GREM1: variants seen among roughly 807,000 people sequenced by gnomAD.
The protein encoded by GREM1 is gremlin 1, DAN family BMP antagonist.
In GREM1, 6 loss-of-function variants were observed where a neutral mutation model predicts 13.1. That is an observed-to-expected ratio of 0.46 (90% CI 0.25 to 0.91). The LOEUF (loss-of-function observed/expected upper bound fraction) is 0.91. GREM1 is among the 40% of genes least tolerant of loss of function. The probability of loss-of-function intolerance (pLI) is 0.18; values close to 1 mark genes in which losing one functional copy is unlikely to be tolerated. For missense variants in GREM1, 185 were observed against 233.9 expected, an observed-to-expected ratio of 0.79 and a Z score of 1.36; for synonymous variants, 98 against 93.7, an observed-to-expected ratio of 1.05 and a Z score of -0.27.
rs2055751841 is a variant in GREM1, at chr15:32,740,518, A to C, written c.*9273A>C. 6.6e-6 allele frequency: 1 copy of C among 152,228 alleles called. No homozygotes were observed. The highest frequency in any genetic ancestry group is 1.5e-5 in the Non-Finnish European group (1 of 68,054). 9.4% of individuals were successfully genotyped at this position (152,228 alleles called of 1,614,324 possible). ...TCAGAAGAAAGAATCAATGAACTTG[A>C]AGACAGGTCATTGGAAATAATTCAG... On this transcript the variant is annotated 3_prime_UTR_variant, in exon 2 of 2. Transcript: ENST00000651154.
At chr15:32,725,992 C>T (rs1477217231) in intron 1 of GREM1, among the ~76,000 whole-genome samples, 3 of 152,142 alleles carry the variant, frequency 2.0e-5, no homozygotes, top group Admixed American at 1.3e-4. Context: ...TTCCATTGGT[C>T]TGTATATCTG....
chr15:32,729,376 T>G (rs577203600), intron 1 of GREM1, among the ~76,000 whole-genome samples: 1 of 19,678 alleles, frequency 5.1e-5, no homozygotes, highest in African/African-American at 7.0e-5. Flanking sequence ...GAGGAAAATC[T>G]TTTTAGTCTG....
At position 32,731,033 on chromosome 15, in the gene GREM1, A is replaced by C; in HGVS notation, c.343A>C (p.Asn115His). 1 of 1,614,206 alleles carries C rather than the reference A, an allele frequency of 6.2e-7. No homozygotes were observed. The highest frequency in any genetic ancestry group is 8.5e-7 in the Non-Finnish European group (1 of 1,180,014). ...AGGCTGCAACAGTCGCACCATCATC[A>C]ACCGCTTCTGTTACGGCCAGTGCAA... ...EEGCNSRTII[N>H]RFCYGQCNSF... is the part of the protein sequence containing the mutation. The change falls in exon 2 of 2, where the codon AAC (asparagine) becomes CAC (histidine). Residue 115 changes from asparagine (N) to histidine (H), a missense_variant. Transcript: ENST00000651154.
rs764435884 is a variant in GREM1, at chr15:32,730,944, A to G, written c.254A>G (p.Glu85Gly). 6.2e-7 allele frequency: 1 copy of G among 1,614,076 alleles called. No homozygotes were observed. Among genetic ancestry groups the G allele is most frequent in the Non-Finnish European group, 8.5e-7 (1 of 1,180,022 alleles). ...ESSQEALHVT[E>G]RKYLKRDWCK... ...AGCCAAGAGGCCCTGCATGTGACGG[A>G]GCGCAAATACCTGAAGCGAGACTGG... is the stretch of plus-strand genomic sequence containing the variant. Residue 85 changes from glutamate to glycine, a missense_variant, in exon 2 of 2, where the codon GAG becomes GGG. Physicochemically the swap from Glu to Gly is moderately conservative, Grantham distance 98. Coordinates refer to ENST00000651154, the MANE Select transcript of GREM1 (RefSeq NM_013372.7).
chr15:32,731,158 C>T lies in GREM1; in HGVS notation c.468C>T (p.Leu156=), dbSNP rs1400573237. The T allele has an allele frequency of 6.2e-7, 1 of 1,614,006 alleles. No homozygotes were observed. ...AATTCACTACCATGATGGTCACACTCAACTGCCCTGAACTACAGCCACCTA... is the reference window on the plus strand; with the variant it reads ...AATTCACTACCATGATGGTCACACTTAACTGCCCTGAACTACAGCCACCTA... ...PKKFTTMMVT[L]NCPELQPPTK... is the part of the protein sequence containing the mutation. Residue 156 remains leucine, a synonymous_variant, in exon 2 of 2, where the codon CTC becomes CTT. Coordinates refer to ENST00000651154, the MANE Select transcript of GREM1 (RefSeq NM_013372.7).
At position 32,742,756 on chromosome 15, in the gene GREM1, C is replaced by G. The variant is rs1441533115; in HGVS notation, c.*11511C>G. ...GTCAACTGACATTTGGCAATGGTGC[C>G]AAGCATACTCAGTGGGAGAAATGAT... On this transcript the variant is annotated 3_prime_UTR_variant, in exon 2 of 2. Transcript: ENST00000651154. 1 of 152,168 alleles carries G rather than the reference C, an allele frequency of 6.6e-6. No homozygotes were observed. Among genetic ancestry groups the G allele is most frequent in the African/African-American group, 2.4e-5 (1 of 41,430 alleles). 9.4% of individuals were successfully genotyped at this position (152,168 alleles called of 1,614,324 possible).
rs2055684242 is a variant in GREM1 at position 32,735,361 on chromosome 15, TAGCTC to T, written c.*4119_*4123del. On this transcript the variant is annotated 3_prime_UTR_variant, in exon 2 of 2. Transcript: ENST00000651154. The stretch of plus-strand genomic sequence containing the variant: ...ATTGTTTCTCACTCAATCTTCACGG[TAGCTC>T]AGTGAGGTAGGTACCATTATCACTG... The T allele has an allele frequency of 6.6e-6, 1 of 152,210 alleles. No homozygotes were observed. The highest frequency in any genetic ancestry group is 1.9e-4 in the East Asian group (1 of 5,200). The allele number at this position is 152,210 out of a possible 1,614,324, so 9.4% of individuals were successfully genotyped here.
At chr15:32,722,642 G>A (rs1453834668) in intron 1 of GREM1, among the ~76,000 whole-genome samples, 3 of 152,148 alleles carry the variant, frequency 2.0e-5, no homozygotes, top group African/African-American at 7.2e-5. Flanking sequence ...GGATAGAGGT[G>A]GTTAATATGG....
chr15:32,744,229 C>T lies in GREM1; in HGVS notation c.*12984C>T, dbSNP rs1356204942. The T allele has an allele frequency of 5.9e-5, 9 of 151,940 alleles. No homozygotes were observed. The highest frequency in any genetic ancestry group is 1.3e-4 in the Non-Finnish European group (9 of 67,984). The allele number at this position is 151,940 out of a possible 1,614,324, so 9.4% of individuals were successfully genotyped here. A position where few individuals can be genotyped will look rare whatever the true frequency, so the allele number is the denominator to read the frequency against. On this transcript the variant is annotated 3_prime_UTR_variant, in exon 2 of 2. Transcript: ENST00000651154. The stretch of plus-strand genomic sequence containing the variant: ...GGCTTAGCTTCTATTGGGTTTCTAT[C>T]ACTTGCAACCAAAGTGCCCTAACCA...
Position 32,733,984 on chromosome 15 carries a change from T to C in GREM1, c.*2739T>C. ...TGAATAGTTAAATGAAAAGTTATGG[T>C]TATTTAATGTAATTATTACTTCAAA... On this transcript the variant is annotated 3_prime_UTR_variant, in exon 2 of 2. Coordinates refer to ENST00000651154, the MANE Select transcript of GREM1 (RefSeq NM_013372.7). 1 of 241,618 alleles carries C rather than the reference T, an allele frequency of 4.1e-6. No individual in the cohort carries two copies. The highest frequency in any genetic ancestry group is 6.4e-5 in the East Asian group (1 of 15,634). The allele number at this position is 241,618 out of a possible 1,614,324, so 15.0% of individuals were successfully genotyped here.
chr15:32,726,382 C>T (rs1263881985), intron 1 of GREM1, among the ~76,000 whole-genome samples: 2 of 152,122 alleles, frequency 1.3e-5, no homozygotes, highest in Non-Finnish European at 2.9e-5. Context: ...GAACAACCTG[C>T]TCCTGAATGA....
Position 32,731,441 on chromosome 15 carries a change from G to A in GREM1, c.*196G>A, listed in dbSNP as rs559867135. On this transcript the variant is annotated 3_prime_UTR_variant, in exon 2 of 2. Coordinates refer to ENST00000651154, the MANE Select transcript of GREM1 (RefSeq NM_013372.7). ...CCTGTGGGTGTTTTTAGACACCAGA[G>A]AAAACACAGTCTCTGCTAGAGAGCA... 4.9e-6 allele frequency: 3 copies of A among 612,296 alleles called. No homozygotes were observed. Among genetic ancestry groups the A allele is most frequent in the Non-Finnish European group, 8.9e-6 (3 of 337,192 alleles). The allele number at this position is 612,296 out of a possible 1,614,324, so 37.9% of individuals were successfully genotyped here. A position where few individuals can be genotyped will look rare whatever the true frequency, so the allele number is the denominator to read the frequency against.
chr15:32,737,141 C>T lies in GREM1; in HGVS notation c.*5896C>T, dbSNP rs570660369. 25 of 152,164 alleles carry T rather than the reference C, an allele frequency of 1.6e-4. No homozygotes were observed. Among genetic ancestry groups the T allele is most frequent in the African/African-American group, 6.0e-4 (25 of 41,528 alleles). 9.4% of individuals were successfully genotyped at this position (152,164 alleles called of 1,614,324 possible). A position where few individuals can be genotyped will look rare whatever the true frequency, so the allele number is the denominator to read the frequency against. On this transcript the variant is annotated 3_prime_UTR_variant, in exon 2 of 2. Coordinates refer to ENST00000651154, the MANE Select transcript of GREM1 (RefSeq NM_013372.7). ...ATTAAATAAGCAATCAAATAACTTC[C>T]CAGAAAGAAAAGCCCAATTTAGGAT...
rs528491836 is a variant in GREM1 at position 32,734,097 on chromosome 15, C to T, written c.*2852C>T. ...TTGGGCAAAGAAGAAGCTGACACAC[C>T]GTATGTTGTTAGAGTCTTTTATCTG... On this transcript the variant is annotated 3_prime_UTR_variant, in exon 2 of 2. Transcript: ENST00000651154. 29 of 242,748 alleles carry T rather than the reference C, an allele frequency of 1.2e-4. No homozygotes were observed. In the East Asian group the frequency reaches 1.5e-3, roughly 13 times the overall value. 15.0% of individuals were successfully genotyped at this position (242,748 alleles called of 1,614,324 possible).
At position 32,720,726 on chromosome 15, in the gene GREM1, ATTATT is replaced by A. The variant is rs146740402; in HGVS notation, c.-2+2572_-2+2576del. ...TGAACATGAAGATACAAAATAGATA[ATTATT>A]TTATTTATAGCACTCTTCAAATTGT... is the stretch of plus-strand genomic sequence containing the variant. On this transcript the variant is annotated intron_variant, in intron 1 of 1. Transcript: ENST00000651154. Among the ~76,000 whole-genome samples, 2,337 of 152,352 alleles carry A rather than the reference ATTATT, an allele frequency of 0.015. 110 individuals carry two copies. The East Asian group carries it at 0.2, about 13-fold the overall frequency.
rs1363151390 is a variant in GREM1, at chr15:32,737,941, A to AAAAAAAAAAAAAAAG, written c.*6700_*6701insAAAAAAAAAAGAAAA. 7.3e-6 allele frequency: 1 copy of AAAAAAAAAAAAAAAG among 137,146 alleles called. No individual in the cohort carries two copies. Among genetic ancestry groups the AAAAAAAAAAAAAAAG allele is most frequent in the Non-Finnish European group, 1.6e-5 (1 of 62,626 alleles). The allele number at this position is 137,146 out of a possible 1,614,324, so 8.5% of individuals were successfully genotyped here. On this transcript the variant is annotated 3_prime_UTR_variant, in exon 2 of 2. Coordinates refer to ENST00000651154, the MANE Select transcript of GREM1 (RefSeq NM_013372.7). ...AAAACTCTGTCTCAAAAAAAAAAAA[A>AAAAAAAAAAAAAAAG]AAAAGAAAAGAAAAACCCACAGCTA...
At position 32,730,846 on chromosome 15, in the gene GREM1, G is replaced by T. The variant is rs200285291; in HGVS notation, c.156G>T (p.Gln52His). The T allele has an allele frequency of 6.2e-7, 1 of 1,613,778 alleles. No homozygotes were observed. The highest frequency in any genetic ancestry group is 1.1e-5 in the South Asian group (1 of 91,070). The change falls in exon 2 of 2, where the codon CAG becomes CAT. Residue 52 changes from glutamine to histidine, a missense_variant. Gln to His is a conservative substitution (Grantham distance 24). Coordinates refer to ENST00000651154, the MANE Select transcript of GREM1 (RefSeq NM_013372.7). ...CAGAGCAGACTCAGTCGCCCCAGCAGCCTGGCTCCAGGAACCGGGGGCGGG... is the reference window on the plus strand; with the variant it reads ...CAGAGCAGACTCAGTCGCCCCAGCATCCTGGCTCCAGGAACCGGGGGCGGG... ...NDSEQTQSPQ[Q>H]PGSRNRGRGQ...
In GREM1 at chr15:32,733,877, G is replaced by GT. The variant is rs911546193; in HGVS notation, c.*2638dup. On this transcript the variant is annotated 3_prime_UTR_variant, in exon 2 of 2. Coordinates refer to ENST00000651154, the MANE Select transcript of GREM1 (RefSeq NM_013372.7). The stretch of plus-strand genomic sequence containing the variant: ...CACACATCCTGGAAGTCTGTAAGTT[G>GT]TTTTTTGTTACTGTAGGTCTTCAAA... 8.3e-6 allele frequency: 2 copies of GT among 240,084 alleles called. No individual in the cohort carries two copies. Among genetic ancestry groups the GT allele is most frequent in the South Asian group, 1.8e-4 (1 of 5,470 alleles). The allele number at this position is 240,084 out of a possible 1,614,324, so 14.9% of individuals were successfully genotyped here. A position where few individuals can be genotyped will look rare whatever the true frequency, so the allele number is the denominator to read the frequency against.
chr15:32,722,793 A>G (rs1049388932), intron 1 of GREM1, among the ~76,000 whole-genome samples: 1 of 152,192 alleles, frequency 6.6e-6, no homozygotes, highest in East Asian at 1.9e-4. Flanking sequence ...AGAGAAAAAA[A>G]GGTGGAGATG....
Sources: gnomAD v4.1 joint callset for allele counts (sites outside exome capture counted in the v4.1 genomes callset) on GRCh38, gnomAD v4.1.1 for gene constraint, MANE v1.5 for transcripts, NCBI Gene and HGNC (gene_info 2026-07-23, HGNC 2026-07-21) for gene names.